Variants in TMEM150C observed in about 807,000 individuals in gnomAD.
TMEM150C encodes the protein tentonin 3.
A neutral mutation model predicts 29.9 loss-of-function variants in TMEM150C; 10 were observed. The observed-to-expected ratio is 0.33, with a 90% CI of 0.21 to 0.57. The LOEUF is 0.57. Among genes scored for constraint, TMEM150C ranks in the 20% least tolerant of loss-of-function variants. The pLI is 0.88. For missense variants in TMEM150C, 251 were observed against 303.6 expected, an observed-to-expected ratio of 0.83 and a Z score of 1.29; for synonymous variants, 101 against 112.5, an observed-to-expected ratio of 0.90 and a Z score of 0.64.
intron 1 of TMEM150C, among the ~76,000 whole-genome samples, chr4:82,514,753 G>A (rs1203937140): frequency 6.6e-6 from 1 of 152,162 alleles, no homozygotes; most frequent in Non-Finnish European, 1.5e-5. Flanking sequence ...CCAATGGAAT[G>A]TAAGCCTGCC....
chr4:82,492,004 C>G (rs1368900471), intron 6 of TMEM150C, among the ~76,000 whole-genome samples: 1 of 145,088 alleles, frequency 6.9e-6, no homozygotes. Flanking sequence ...CAGTGGCACT[C>G]AGTTCACTGC....
chr4:82,492,660 T>C (rs1723395339), intron 6 of TMEM150C, among the ~76,000 whole-genome samples: 1 of 151,496 alleles, frequency 6.6e-6, no homozygotes, highest in Non-Finnish European at 1.5e-5. Context: ...TATCCATCAC[T>C]TAAAACTCTT....
chr4:82,541,365 A>G (rs1218182203), intron 1 of TMEM150C, among the ~76,000 whole-genome samples: 4 of 152,172 alleles, frequency 2.6e-5, no homozygotes, highest in African/African-American at 9.7e-5. Flanking sequence ...TCATCTACAC[A>G]TCTATACAGC....
chr4:82,521,078 G>A (rs1724469254), intron 1 of TMEM150C, among the ~76,000 whole-genome samples: 1 of 152,104 alleles, frequency 6.6e-6, no homozygotes, highest in Non-Finnish European at 1.5e-5. Context: ...AAGGCACATG[G>A]CTGCTCCCTC....
chr4:82,534,787 T>A (rs1315391676), intron 1 of TMEM150C, among the ~76,000 whole-genome samples: 3 of 152,178 alleles, frequency 2.0e-5, no homozygotes, highest in Non-Finnish European at 4.4e-5. Context: ...TATGTAGGTT[T>A]CATAAAATTC....
intron 7 of TMEM150C, 48 bp downstream of exon 7, chr4:82,490,013 T>C (rs1316076873): frequency 6.4e-7 from 1 of 1,574,798 alleles, no homozygotes; most frequent in South Asian, 1.1e-5. Flanking sequence ...GACAACTTAC[T>C]TGTTTTCATC....
intron 5 of TMEM150C, 28 bp downstream of exon 5, chr4:82,502,699 C>A (rs781749738): frequency 3.1e-6 from 5 of 1,591,598 alleles, no homozygotes; most frequent in Non-Finnish European, 4.3e-6. Context: ...TACCAAAGCA[C>A]ATAAAGCGTT....
chr4:82,537,492 A>C (rs192485734), intron 1 of TMEM150C, among the ~76,000 whole-genome samples: 1 of 152,276 alleles, frequency 6.6e-6, no homozygotes, highest in East Asian at 1.9e-4. Flanking sequence ...GGAGGCTTAA[A>C]AATGCTCCTA....
intron 6 of TMEM150C, 154 bp downstream of exon 6, chr4:82,495,914 C>G: frequency 1.1e-6 from 1 of 924,928 alleles, no homozygotes; most frequent in East Asian, 2.6e-5. Flanking sequence ...CTGAACAGCT[C>G]CGAGTTGCCA....
chr4:82,503,161 T>C, intron 2 of TMEM150C, 49 bp from the exon 3 acceptor site: 1 of 1,360,730 alleles, frequency 7.3e-7, no homozygotes, highest in Non-Finnish European at 1.0e-6. Context: ...GAAAAAAGAA[T>C]CATTTGTTTC....
intron 1 of TMEM150C, among the ~76,000 whole-genome samples, chr4:82,531,754 C>CAA (rs757992713): frequency 0.013 from 826 of 61,628 alleles, 14 homozygotes; most frequent in East Asian, 0.019. Context: ...GACTCTGTCT[C>CAA]AAAAAAAAAA....
intron 1 of TMEM150C, among the ~76,000 whole-genome samples, chr4:82,506,687 G>A (rs755860071): frequency 3.9e-5 from 6 of 152,104 alleles, no homozygotes; most frequent in East Asian, 1.9e-4. Context: ...TATATAATAC[G>A]GAAGAACAGT....
intron 5 of TMEM150C, 89 bp downstream of exon 5, chr4:82,502,638 C>T (rs1249094800): frequency 5.5e-6 from 7 of 1,267,344 alleles, no homozygotes; most frequent in Non-Finnish European, 7.8e-6. Flanking sequence ...TCAAATAAGC[C>T]CCCCATTGTT....
At chr4:82,524,102 CAA>C (rs75621252) in intron 1 of TMEM150C, among the ~76,000 whole-genome samples, 10 of 109,460 alleles carry the variant, frequency 9.1e-5, no homozygotes, top group Non-Finnish European at 1.4e-4. Context: ...ACTAAAAATA[CAA>C]AAAAAAAAAA....
chr4:82,509,956 A>G (rs1303111739), intron 1 of TMEM150C, among the ~76,000 whole-genome samples: 1 of 152,210 alleles, frequency 6.6e-6, no homozygotes, highest in African/African-American at 2.4e-5. Context: ...CTAATCCTTG[A>G]GGACAAACTT....
chr4:82,562,144 CG>C, upstream of TMEM150C: 2 of 1,272,074 alleles, frequency 1.6e-6, no homozygotes, highest in Non-Finnish European at 1.0e-6. Flanking sequence ...GCCACCCCCC[CG>C]GGGCCCCTAA....
At chr4:82,486,291 C>T (rs978342756) in intron 7 of TMEM150C, among the ~76,000 whole-genome samples, 1 of 140,182 alleles carries the variant, frequency 7.1e-6, no homozygotes, top group Non-Finnish European at 1.5e-5. Context: ...GAGCCAAGAC[C>T]GGCCACTGCA....
intron 1 of TMEM150C, among the ~76,000 whole-genome samples, chr4:82,539,384 A>G (rs1467684950): frequency 6.6e-6 from 1 of 152,230 alleles, no homozygotes; most frequent in Non-Finnish European, 1.5e-5. Flanking sequence ...GCAAGACCAG[A>G]GAATTGATTA....
chr4:82,521,762 G>A (rs182811551), intron 1 of TMEM150C, among the ~76,000 whole-genome samples: 13 of 152,344 alleles, frequency 8.5e-5, no homozygotes, highest in African/African-American at 2.9e-4. Context: ...GACGTGGGAG[G>A]TGAGGTTGGA....
Sources: gnomAD v4.1 joint callset for allele counts (sites outside exome capture counted in the v4.1 genomes callset) on GRCh38, gnomAD v4.1.1 for gene constraint, MANE v1.5 for transcripts, NCBI Gene and HGNC (gene_info 2026-07-23, HGNC 2026-07-21) for gene names.